Variants in AMOT observed in about 807,000 individuals in gnomAD.
AMOT encodes angiomotin.
Under a neutral mutation model 67.0 loss-of-function variants are expected in AMOT, and 11 were observed. The ratio of observed to expected loss-of-function variants is 0.16; its 90% confidence interval spans 0.10 to 0.27. The LOEUF (loss-of-function observed/expected upper bound fraction) is 0.27, where lower values mean the gene tolerates loss of function less well. AMOT is among the 10% of genes least tolerant of loss of function. AMOT has a pLI of 1.00. For synonymous variants in AMOT, 326 were observed against 321.4 expected (o/e 1.01, Z -0.15); for missense variants, 753 against 852.0 (o/e 0.88, Z 1.45).
At chrX:112,804,898 T>TTGCCCCCCCAC in intron 8 of AMOT, 49 bp downstream of exon 8, 1 of 837,587 alleles carries the variant, frequency 1.2e-6, no homozygotes, top group Non-Finnish European at 1.7e-6. Flanking sequence ...GTCCCCGATT[T>TTGCCCCCCCAC]CCCAGCCCTC....
chrX:112,812,409 G>A (rs923214694), intron 5 of AMOT, among the ~76,000 whole-genome samples: 9 of 111,458 alleles, frequency 8.1e-5, no homozygotes, highest in African/African-American at 2.9e-4. Context: ...CATAGTCAAT[G>A]GGAAACCAGT....
At chrX:112,837,553 G>C (rs900684457) in intron 1 of AMOT, among the ~76,000 whole-genome samples, 3 of 109,330 alleles carry the variant, frequency 2.7e-5, no homozygotes, top group Non-Finnish European at 5.7e-5. Flanking sequence ...GTGTGGAAGG[G>C]GCGACTTCCC....
At chrX:112,827,588 T>C (rs1934874904) in intron 2 of AMOT, among the ~76,000 whole-genome samples, 1 of 111,820 alleles carries the variant, frequency 8.9e-6, no homozygotes, top group Admixed American at 9.5e-5. Context: ...ATAATTGCGG[T>C]TCTGTCTTTA....
Position 112,822,532 on chromosome X carries a change from G to T in AMOT, c.595C>A (p.Leu199Ile). ...KAHPPVTSAP[L>I]SPPQPNDLYK... is the part of the protein sequence containing the mutation. ...AGGTCATTGGGTTGTGGTGGGGAGA[G>T]GGGAGCACTGGTAACAGGTGGATGG... The change falls in exon 4 of 14, where the codon CTC becomes ATC. Residue 199 changes from leucine to isoleucine, a missense_variant. By Grantham distance (5) the Leu-to-Ile change is conservative. Around this residue, in one of 5 missense-constraint regions of AMOT, gnomAD observed 297 missense variants for 284.3 expected, o/e 1.04. Coordinates refer to ENST00000371959, the MANE Select transcript of AMOT (RefSeq NM_001113490.2). 1 of 1,167,904 alleles carries T rather than the reference G, an allele frequency of 8.6e-7. No homozygotes were observed. Among genetic ancestry groups the T allele is most frequent in the Non-Finnish European group, 1.1e-6 (1 of 873,082 alleles).
At chrX:112,808,939 G>C (rs1328618097) in intron 7 of AMOT, among the ~76,000 whole-genome samples, 1 of 112,165 alleles carries the variant, frequency 8.9e-6, no homozygotes, top group East Asian at 2.8e-4. Context: ...GAGCACAACA[G>C]AACAACCCAG....
chrX:112,790,719 G>A lies in AMOT; in HGVS notation c.1990C>T (p.Leu664Phe). Residue 664 changes from leucine to phenylalanine, a missense_variant, in exon 10 of 14, where the codon CTT becomes TTT. Leu to Phe is a conservative substitution (Grantham distance 22). This residue lies in a region of AMOT where 66 missense variants were observed against 112.9 expected (regional missense o/e 0.58). Coordinates refer to ENST00000371959, the MANE Select transcript of AMOT (RefSeq NM_001113490.2). Reference protein sequence around the residue: ...EYNAAALMELLREKEERILAL... With the variant: ...EYNAAALMELFREKEERILAL... ...AGAATCCTCTCCTCTTTCTCCCGAA[G>A]GAGCTCCATCAGTGCAGCAGCATTG... 1 of 1,210,846 alleles carries A rather than the reference G, an allele frequency of 8.3e-7. No individual in the cohort carries two copies. Among genetic ancestry groups the A allele is most frequent in the Non-Finnish European group, 1.1e-6 (1 of 895,048 alleles).
chrX:112,792,324 A>C (rs1198739880), intron 8 of AMOT, among the ~76,000 whole-genome samples: 2 of 112,159 alleles, frequency 1.8e-5, no homozygotes, highest in Non-Finnish European at 3.8e-5. Context: ...GGCCTTTTTC[A>C]TTCTCATATG....
At position 112,776,592 on chromosome X, in the gene AMOT, C is replaced by T. The variant is rs1340623925; in HGVS notation, c.*1975G>A. On this transcript the variant is annotated 3_prime_UTR_variant, in exon 14 of 14. Transcript: ENST00000371959. Reference sequence around the variant, plus strand: ...ACACAGGCACACACACAAAATAATTCCTTTGGAAGATAATTAGGAAGGATA... The same window carrying T: ...ACACAGGCACACACACAAAATAATTTCTTTGGAAGATAATTAGGAAGGATA... 1 of 111,569 alleles carries T rather than the reference C, an allele frequency of 9.0e-6. No homozygotes were observed. The highest frequency in any genetic ancestry group is 2.8e-4 in the East Asian group (1 of 3,557). 9.2% of individuals were successfully genotyped at this position (111,569 alleles called of 1,213,427 possible).
chrX:112,779,808 A>C, intron 12 of AMOT, 128 bp from the exon 13 acceptor site: 2 of 264,132 alleles, frequency 7.6e-6, no homozygotes, highest in South Asian at 2.3e-4. Flanking sequence ...ATATTATTTA[A>C]ATATTTAAAA....
At chrX:112,837,096 T>G (rs1297163106) in intron 1 of AMOT, among the ~76,000 whole-genome samples, 1 of 111,835 alleles carries the variant, frequency 8.9e-6, no homozygotes, top group African/African-American at 3.3e-5. Flanking sequence ...ACATTTTACC[T>G]ATATGGGGTG....
intron 2 of AMOT, among the ~76,000 whole-genome samples, chrX:112,829,665 T>C (rs1408363647): frequency 8.9e-6 from 1 of 112,533 alleles, no homozygotes; most frequent in Non-Finnish European, 1.9e-5. Flanking sequence ...CATTTCCAAA[T>C]CTTACTGAGG....
intron 1 of AMOT, among the ~76,000 whole-genome samples, chrX:112,835,259 G>A (rs1252408380): frequency 9.0e-6 from 1 of 111,400 alleles, no homozygotes; most frequent in Non-Finnish European, 1.9e-5. Context: ...AGAGGGGCTG[G>A]GCAGAGAAAA....
chrX:112,807,154 G>T (rs929833963), intron 7 of AMOT, among the ~76,000 whole-genome samples: 1 of 110,880 alleles, frequency 9.0e-6, no homozygotes, highest in African/African-American at 3.3e-5. Flanking sequence ...CCACACGAGA[G>T]AAGGAAATAA....
chrX:112,818,359 G>A (rs1398557696), intron 4 of AMOT, among the ~76,000 whole-genome samples: 1 of 111,194 alleles, frequency 9.0e-6, no homozygotes, highest in Non-Finnish European at 1.9e-5. Flanking sequence ...TTGGGAAGGA[G>A]GAGACCATGA....
chrX:112,835,010 C>A (rs758527169), intron 1 of AMOT, among the ~76,000 whole-genome samples: 1 of 111,981 alleles, frequency 8.9e-6, no homozygotes, highest in African/African-American at 3.3e-5. Context: ...AATGGGGCAC[C>A]AAAGGGCACT....
In AMOT at chrX:112,782,656, T is replaced by C; in HGVS notation, c.2124A>G (p.Thr708=). The C allele has an allele frequency of 8.3e-7, 1 of 1,209,150 alleles. No homozygotes were observed. Among genetic ancestry groups the C allele is most frequent in the Non-Finnish European group, 1.1e-6 (1 of 894,199 alleles). ...TGTTAGGAGAGTGACTGATGACTGT[T>C]GTGTCCCTGGGGAGGAAAATGGAAG... ...AAATVAAQRD[T]TVISHSPNTS... is the part of the protein sequence containing the mutation. The change falls in exon 11 of 14, where the codon ACA becomes ACG. Residue 708 remains threonine, a synonymous_variant. Transcript: ENST00000371959.
chrX:112,779,226 C>G lies in AMOT; in HGVS notation c.2928G>C (p.Pro976=). ...CCAGAGCCGGAGCTGGAACTGGAGC[C>G]GGAGCAGCTGGAGCAACCTGAACAG... ...AAAVQVAPAA[P]APVPAPALVP... is the part of the protein sequence containing the mutation. Residue 976 remains proline, a synonymous_variant, in exon 13 of 14, where the codon CCG becomes CCC. Coordinates refer to ENST00000371959, the MANE Select transcript of AMOT (RefSeq NM_001113490.2). 1.4e-6 allele frequency: 1 copy of G among 696,033 alleles called. No individual in the cohort carries two copies. The highest frequency in any genetic ancestry group is 2.2e-5 in the South Asian group (1 of 46,421). 57.4% of individuals were successfully genotyped at this position (696,033 alleles called of 1,213,427 possible). A position where few individuals can be genotyped will look rare whatever the true frequency, so the allele number is the denominator to read the frequency against.
At chrX:112,796,176 A>G (rs1933808753) in intron 8 of AMOT, among the ~76,000 whole-genome samples, 1 of 112,038 alleles carries the variant, frequency 8.9e-6, no homozygotes, top group African/African-American at 3.3e-5. Flanking sequence ...ACGGGGTCCT[A>G]AGATTCTGTA....
chrX:112,818,900 C>T (rs1260943561), intron 4 of AMOT, among the ~76,000 whole-genome samples: 3 of 110,739 alleles, frequency 2.7e-5, no homozygotes, highest in African/African-American at 9.9e-5. Context: ...CACATGATTC[C>T]ATGCAAGCCC....
Sources: allele counts gnomAD v4.1 joint callset (sites outside exome capture counted in the v4.1 genomes callset), GRCh38; gene constraint gnomAD v4.1.1; regional missense constraint gnomAD v4.1.1; transcripts MANE v1.5; gene names NCBI Gene and HGNC (gene_info 2026-07-23, HGNC 2026-07-21).